Variants in MED4 observed in about 807,000 individuals in gnomAD.
The protein encoded by MED4 is mediator of RNA polymerase II transcription subunit 4.
Under a neutral mutation model 35.0 loss-of-function variants are expected in MED4, and 21 were observed. The ratio of observed to expected loss-of-function variants is 0.60; its 90% confidence interval spans 0.43 to 0.86. MED4 has a LOEUF of 0.86. Among genes scored for constraint, MED4 ranks in the 40% least tolerant of loss-of-function variants. MED4 has a pLI of 0.00. For missense variants in MED4, 300 were observed against 319.4 expected (o/e 0.94, Z 0.46); for synonymous variants, 138 against 114.0 (o/e 1.21, Z -1.34).
intron 5 of MED4, 134 bp from the exon 6 acceptor site, chr13:48,080,109 T>G (rs1011444183): frequency 7.0e-6 from 7 of 1,006,760 alleles, no homozygotes; most frequent in South Asian, 1.5e-5. Flanking sequence ...AATACAGAAG[T>G]CATCTGGCCA....
intron 3 of MED4, among the ~76,000 whole-genome samples, 178 bp downstream of exon 3, chr13:48,086,104 T>TA (rs919679393): frequency 2.0e-5 from 3 of 152,162 alleles, no homozygotes; most frequent in Admixed American, 2.0e-4. Context: ...AAACAGTAAG[T>TA]AAAAAAGAGA....
Position 48,094,940 on chromosome 13 carries a change from G to C in MED4, c.125+14C>G. On this transcript the variant is annotated intron_variant, in intron 1 of 6. Coordinates refer to ENST00000258648, the MANE Select transcript of MED4 (RefSeq NM_014166.4). ...GGCCCAGCTCCAGCCCGGCTCTCAGGCTCGCCGCATTACCTAGACAGGACC... is the reference window on the plus strand; with the variant it reads ...GGCCCAGCTCCAGCCCGGCTCTCAGCCTCGCCGCATTACCTAGACAGGACC... 1 of 1,600,912 alleles carries C rather than the reference G, an allele frequency of 6.2e-7. No homozygotes were observed. Among genetic ancestry groups the C allele is most frequent in the East Asian group, 2.2e-5 (1 of 44,774 alleles).
At chr13:48,088,888 T>C (rs1950870737) in intron 2 of MED4, among the ~76,000 whole-genome samples, 2 of 152,252 alleles carry the variant, frequency 1.3e-5, no homozygotes, top group African/African-American at 4.8e-5. Flanking sequence ...ATAGTAACAG[T>C]TTCAATGAAA....
At chr13:48,094,826 T>C (rs1195499975) in intron 1 of MED4, 128 bp downstream of exon 1, 1 of 1,369,782 alleles carries the variant, frequency 7.3e-7, no homozygotes, top group Non-Finnish European at 9.8e-7. Context: ...ATGACCCTCA[T>C]GCACCCGAAA....
intron 6 of MED4, 43 bp downstream of exon 6, chr13:48,079,801 A>G: frequency 1.3e-6 from 2 of 1,591,768 alleles, no homozygotes; most frequent in Non-Finnish European, 1.7e-6. Context: ...TCATCTCTGG[A>G]AAACCCTGAT....
Position 48,095,054 on chromosome 13 carries a change from T to G in MED4, c.25A>C (p.Lys9Gln). The stretch of plus-strand genomic sequence containing the variant: ...CCGCCTCCCAGCCGCTCCTTCTCCT[T>G]CTCACCACTCGAAGACGCAGCCATT... MAASSSGE[K>Q]EKERLGGGLG... The change falls in exon 1 of 7, where the codon AAG (lysine) becomes CAG (glutamine). Residue 9 changes from lysine to glutamine, a missense_variant. Transcript: ENST00000258648. 1 of 1,605,320 alleles carries G rather than the reference T, an allele frequency of 6.2e-7. No individual in the cohort carries two copies. Among genetic ancestry groups the G allele is most frequent in the South Asian group, 1.1e-5 (1 of 91,080 alleles).
At chr13:48,091,869 G>A (rs7990060) in intron 1 of MED4, among the ~76,000 whole-genome samples, 43,952 of 151,978 alleles carry the variant, frequency 0.29, 7,943 homozygotes, top group African/African-American at 0.51. Flanking sequence ...CTTCCTAAGG[G>A]CACAGCTTTG....
chr13:48,084,265 CAAAAAAAAAAAAA>C (rs71099664), intron 3 of MED4, among the ~76,000 whole-genome samples: 1 of 109,974 alleles, frequency 9.1e-6, no homozygotes, highest in African/African-American at 3.6e-5. Context: ...GACTCTGTCT[CAAAAAAAAAAAAA>C]AAAAAAAAAA....
chr13:48,095,040 C>A lies in MED4; in HGVS notation c.39G>T (p.Arg13=), dbSNP rs1950919750. 5 of 1,606,168 alleles carry A rather than the reference C, an allele frequency of 3.1e-6. No homozygotes were observed. The South Asian group carries it at 5.5e-5, about 18-fold the overall frequency. ...ASSSGEKEKE[R]LGGGLGVAGG... is the part of the protein sequence containing the mutation. ...CCGCCACTCCCAAACCGCCTCCCAG[C>A]CGCTCCTTCTCCTTCTCACCACTCG... The change falls in exon 1 of 7, where the codon CGG becomes CGT. Residue 13 remains arginine, a synonymous_variant. Coordinates refer to ENST00000258648, the MANE Select transcript of MED4 (RefSeq NM_014166.4).
intron 1 of MED4, among the ~76,000 whole-genome samples, chr13:48,094,491 G>T (rs75600734): frequency 6.6e-6 from 1 of 152,116 alleles, no homozygotes; most frequent in African/African-American, 2.4e-5. Context: ...TGCTTCCCAA[G>T]CAGCACTTTC....
chr13:48,090,107 TG>T (rs1950880317), intron 2 of MED4, among the ~76,000 whole-genome samples: 1 of 152,148 alleles, frequency 6.6e-6, no homozygotes, highest in African/African-American at 2.4e-5. Flanking sequence ...TGACTAGAAT[TG>T]TAAGAGAAAA....
At chr13:48,084,639 T>A (rs1950836309) in intron 3 of MED4, among the ~76,000 whole-genome samples, 1 of 152,150 alleles carries the variant, frequency 6.6e-6, no homozygotes. Flanking sequence ...TCTGTTAGTA[T>A]CCTGCTAACT....
intron 6 of MED4, 95 bp from the exon 7 acceptor site, chr13:48,077,406 T>C (rs879072435): frequency 2.1e-5 from 23 of 1,101,506 alleles, no homozygotes; most frequent in Middle Eastern, 4.4e-4. Flanking sequence ...AGTATTTTTT[T>C]TAATTTTACT....
intron 6 of MED4, among the ~76,000 whole-genome samples, chr13:48,078,535 C>T (rs1288176225): frequency 6.6e-6 from 1 of 152,202 alleles, no homozygotes; most frequent in East Asian, 1.9e-4. Flanking sequence ...CCCTGGAACC[C>T]CAGTGGGTAA....
chr13:48,090,084 A>T (rs1185700486), intron 2 of MED4, among the ~76,000 whole-genome samples: 3 of 152,250 alleles, frequency 2.0e-5, no homozygotes, highest in Non-Finnish European at 4.4e-5. Context: ...AAAAATAAAT[A>T]AACATGTAAG....
intron 2 of MED4, among the ~76,000 whole-genome samples, chr13:48,087,810 AC>A (rs1311578006): frequency 6.6e-6 from 1 of 152,142 alleles, no homozygotes; most frequent in Non-Finnish European, 1.5e-5. Context: ...AGATCACGCC[AC>A]TGCACTCCAG....
rs1042164409 is a variant in MED4 at position 48,077,032 on chromosome 13, G to GT, written c.*106dup. ...TGACTGCACAATTCTACCAAAGCCA[G>GT]TGTTTACCTGGGTATTTTTTGTCAC... is the stretch of plus-strand genomic sequence containing the variant. On this transcript the variant is annotated 3_prime_UTR_variant, in exon 7 of 7. Transcript: ENST00000258648. The GT allele has an allele frequency of 2.9e-5, 28 of 980,346 alleles. No individual in the cohort carries two copies. The Admixed American group carries it at 7.1e-4, about 25-fold the overall frequency. The allele number at this position is 980,346 out of a possible 1,614,324, so 60.7% of individuals were successfully genotyped here. A position where few individuals can be genotyped will look rare whatever the true frequency, so the allele number is the denominator to read the frequency against.
chr13:48,088,917 G>C (rs1178176650), intron 2 of MED4, among the ~76,000 whole-genome samples: 1 of 152,192 alleles, frequency 6.6e-6, no homozygotes, highest in Non-Finnish European at 1.5e-5. Flanking sequence ...GGAATCCACA[G>C]TACTAAGACA....
intron 1 of MED4, among the ~76,000 whole-genome samples, chr13:48,093,050 C>G (rs910671869): frequency 6.6e-6 from 1 of 152,192 alleles, no homozygotes; most frequent in African/African-American, 2.4e-5. Context: ...CACTCAAGAG[C>G]CCTGTCCTGC....
Sources: allele counts gnomAD v4.1 joint callset (sites outside exome capture counted in the v4.1 genomes callset), GRCh38; gene constraint gnomAD v4.1.1; transcripts MANE v1.5; gene names NCBI Gene and HGNC (gene_info 2026-07-23, HGNC 2026-07-21).